The following IL23R variants were observed in gnomAD, a reference collection of about 807,000 sequenced individuals.
IL23R encodes the protein interleukin 23 receptor, also known as interleukin-23 receptor.
IL23R carries 34 observed loss-of-function variants against 56.9 expected under a neutral mutation model. That is an observed-to-expected ratio of 0.60 (90% confidence interval 0.45 to 0.80). IL23R has a LOEUF of 0.80. Among genes scored for constraint, IL23R ranks in the 30% least tolerant of loss-of-function variants. The probability of loss-of-function intolerance (pLI) is 0.00; values close to 1 mark genes in which losing one functional copy is unlikely to be tolerated. For synonymous variants in IL23R, 230 were observed against 249.2 expected (o/e 0.92, Z 0.73); for missense variants, 635 against 730.0 (o/e 0.87, Z 1.50).
At chr1:67,263,137 G>C (rs534670551), downstream of IL23R, among the ~76,000 whole-genome samples, 3 of 91,536 alleles carry the variant, frequency 3.3e-5, no homozygotes, top group South Asian at 7.8e-4. Flanking sequence ...TTTTTTAACA[G>C]GTCACCCAGG....
At chr1:67,225,050 C>A (rs1045374257) in intron 7 of IL23R, among the ~76,000 whole-genome samples, 3 of 152,156 alleles carry the variant, frequency 2.0e-5, no homozygotes, top group African/African-American at 7.2e-5. Context: ...GGGATTCCAG[C>A]ACCCATGTTA....
At chr1:67,250,959 C>G (rs1244163681) in intron 9 of IL23R, among the ~76,000 whole-genome samples, 3 of 152,158 alleles carry the variant, frequency 2.0e-5, no homozygotes. Flanking sequence ...CTTGAGGTTC[C>G]ATGAGGAAAA....
chr1:67,180,468 C>T (rs1312720909), intron 3 of IL23R, among the ~76,000 whole-genome samples: 5 of 151,822 alleles, frequency 3.3e-5, no homozygotes, highest in African/African-American at 7.3e-5. Flanking sequence ...TTTCCATTTG[C>T]TTGGTAGATC....
Position 67,156,796 on chromosome 1 carries a change from A to G in IL23R, c.-633-11296A>G, listed in dbSNP as rs143144441. On this transcript the variant is annotated intron_variant, in intron 1 of 10. Coordinates refer to the IL23R transcript ENST00000637002. Reference sequence around the variant, plus strand: ...CGAGACCACTTGGCTCCCTGGCTTCAGCCCCCTTTCCAGGGCAGTGGATGG... The same window carrying G: ...CGAGACCACTTGGCTCCCTGGCTTCGGCCCCCTTTCCAGGGCAGTGGATGG... 6.8e-3 allele frequency among the ~76,000 whole-genome samples: 1,035 copies of G among 152,292 alleles called. 10 individuals are homozygous for G. The highest frequency in any genetic ancestry group is 0.024 in the African/African-American group (995 of 41,580).
intron 9 of IL23R, among the ~76,000 whole-genome samples, chr1:67,246,674 A>T (rs995027409): frequency 6.6e-6 from 1 of 152,184 alleles, no homozygotes; most frequent in African/African-American, 2.4e-5. Flanking sequence ...GTGGTCTGAG[A>T]GACAGTTTGT....
intron 5 of IL23R, among the ~76,000 whole-genome samples, chr1:67,204,585 A>C (rs1445228613): frequency 6.6e-6 from 1 of 152,124 alleles, no homozygotes; most frequent in African/African-American, 2.4e-5. Flanking sequence ...CCTCAGAATA[A>C]TTCTTTTGCC....
chr1:67,245,705 G>A (rs918125304), intron 9 of IL23R, among the ~76,000 whole-genome samples: 4 of 152,112 alleles, frequency 2.6e-5, no homozygotes, highest in African/African-American at 7.2e-5. Context: ...GCTGGATTCC[G>A]TTTGCCAGTA....
the IL23R span, among the ~76,000 whole-genome samples, chr1:67,265,374 ACT>A: frequency 6.6e-6 from 1 of 152,122 alleles, no homozygotes; most frequent in East Asian, 1.9e-4. Context: ...AAAGGTAATG[ACT>A]CTCAGCAAAT....
intron 3 of IL23R, among the ~76,000 whole-genome samples, chr1:67,180,190 G>C (rs658651): frequency 1.3e-5 from 2 of 152,078 alleles, no homozygotes; most frequent in Non-Finnish European, 2.9e-5. Flanking sequence ...TTTCTGTCTC[G>C]TTGATCTGTC....
rs115005910 is a variant in IL23R, at chr1:67,254,846, C to T, written c.1149-991C>T. Among the ~76,000 whole-genome samples the T allele has an allele frequency of 5.1e-3, 773 of 152,270 alleles. 7 individuals carry two copies. The highest frequency in any genetic ancestry group is 0.018 in the African/African-American group (731 of 41,550). ...AGTGTTTTTAAACACAATGGCAGTG[C>T]TAATAGATAGCTTGGGGGAAAAAGT... On this transcript the variant is annotated intron_variant, in intron 9 of 10. Transcript: ENST00000347310.
At chr1:67,261,633 A>C (rs1653208005), downstream of IL23R, among the ~76,000 whole-genome samples, 1 of 152,162 alleles carries the variant, frequency 6.6e-6, no homozygotes, top group East Asian at 1.9e-4. Context: ...CAAAAGGAGA[A>C]TCATAAAGTA....
chr1:67,168,657 C>T (rs1417646578), intron 2 of IL23R, among the ~76,000 whole-genome samples: 2 of 152,070 alleles, frequency 1.3e-5, no homozygotes, highest in Non-Finnish European at 2.9e-5. Context: ...TAAAAAAGAA[C>T]AAAAGATTGG....
chr1:67,262,776 C>A (rs72678503), downstream of IL23R, among the ~76,000 whole-genome samples: 9 of 152,008 alleles, frequency 5.9e-5, no homozygotes, highest in Non-Finnish European at 1.3e-4. Flanking sequence ...GGGGCATGTC[C>A]TGCTTCTTGG....
intron 7 of IL23R, among the ~76,000 whole-genome samples, chr1:67,220,102 C>T (rs564870447): frequency 9.9e-5 from 15 of 152,074 alleles, no homozygotes; most frequent in Non-Finnish European, 2.2e-4. Flanking sequence ...GGTGCAGTGG[C>T]TTATGTCTGT....
intron 3 of IL23R, among the ~76,000 whole-genome samples, chr1:67,176,791 C>T (rs928206616): frequency 1.3e-5 from 2 of 152,124 alleles, no homozygotes; most frequent in African/African-American, 4.8e-5. Flanking sequence ...CCCCCTCCTC[C>T]CACCACACAA....
chr1:67,153,773 CT>C (rs34129656), intron 1 of IL23R, among the ~76,000 whole-genome samples: 56,754 of 149,462 alleles, frequency 0.38, 10,906 homozygotes, highest in Admixed American at 0.48. Context: ...AGTTTCTTTT[CT>C]TTTTTTTTTG....
At chr1:67,138,666 C>G (rs1008800984), upstream of IL23R, among the ~76,000 whole-genome samples, 1 of 152,156 alleles carries the variant, frequency 6.6e-6, no homozygotes, top group East Asian at 1.9e-4. Flanking sequence ...TTCTGATTGT[C>G]TTTCTAGCTT....
intron 7 of IL23R, among the ~76,000 whole-genome samples, chr1:67,222,260 G>A (rs1055249442): frequency 6.6e-6 from 1 of 151,590 alleles, no homozygotes; most frequent in Non-Finnish European, 1.5e-5. Context: ...GGGATTACAG[G>A]CACCCACCAC....
chr1:67,227,464 C>A (rs1202176464), intron 7 of IL23R, among the ~76,000 whole-genome samples: 2 of 148,710 alleles, frequency 1.3e-5, no homozygotes, highest in Non-Finnish European at 3.0e-5. Context: ...CAGAGGAAGG[C>A]AAGTATGAGC....
Sources: allele counts gnomAD v4.1 joint callset (sites outside exome capture counted in the v4.1 genomes callset), GRCh38; gene constraint gnomAD v4.1.1; transcripts MANE v1.5; gene names NCBI Gene and HGNC (gene_info 2026-07-23, HGNC 2026-07-21).